The following GCNA variants were observed in gnomAD, a reference collection of about 807,000 sequenced individuals.
GCNA encodes germ cell nuclear acidic peptidase.
Under a neutral mutation model 38.8 loss-of-function variants are expected in GCNA, and 3 were observed. The observed-to-expected ratio is 0.08, with a 90% CI of 0.04 to 0.20. The LOEUF (loss-of-function observed/expected upper bound fraction) is 0.20, where lower values mean the gene tolerates loss of function less well. Among genes scored for constraint, GCNA ranks in the 10% least tolerant of loss-of-function variants. The pLI is 1.00. For synonymous variants in GCNA, 195 were observed against 240.2 expected (o/e 0.81, Z 1.74); for missense variants, 446 against 578.6 (o/e 0.77, Z 2.35).
rs1330253048 is a variant in GCNA, at chrX:71,580,893, A to C, written c.59+13A>C. ...AGGACGAGGATTGGTGAGATTTAGA[A>C]AGTTCTGTTTTCTTTTAGTTTAGTG... On this transcript the variant is annotated intron_variant, in intron 2 of 12. Transcript: ENST00000373696. 34 of 1,187,797 alleles carry C rather than the reference A, an allele frequency of 2.9e-5. No individual in the cohort carries two copies. The highest frequency in any genetic ancestry group is 3.6e-5 in the Non-Finnish European group (32 of 882,226).
chrX:71,584,472 C>T (rs971476919), intron 2 of GCNA, among the ~76,000 whole-genome samples: 5 of 111,449 alleles, frequency 4.5e-5, no homozygotes, highest in Admixed American at 9.4e-5. Context: ...AGGCTAGTCT[C>T]GAACTCCTGG....
intron 2 of GCNA, among the ~76,000 whole-genome samples, chrX:71,584,745 G>A (rs1368774631): frequency 9.1e-6 from 1 of 110,287 alleles, no homozygotes; most frequent in East Asian, 2.9e-4. Context: ...GCAGGCACCT[G>A]TAGTCCCAGC....
chrX:71,609,153 C>T, intron 10 of GCNA, 36 bp downstream of exon 10: 1 of 1,147,030 alleles, frequency 8.7e-7, no homozygotes, highest in Non-Finnish European at 1.2e-6. Flanking sequence ...TGAGCACCTG[C>T]TATACACCAG....
At chrX:71,587,830 G>A (rs1273950477) in intron 2 of GCNA, among the ~76,000 whole-genome samples, 2 of 110,133 alleles carry the variant, frequency 1.8e-5, no homozygotes, top group East Asian at 5.6e-4. Context: ...CCAGGCTGGA[G>A]TGCAGTGGCA....
At chrX:71,605,775 C>T (rs2040764864) in intron 9 of GCNA, 46 bp downstream of exon 9, 6 of 1,108,529 alleles carry the variant, frequency 5.4e-6, no homozygotes, top group South Asian at 2.0e-5. Flanking sequence ...ATTGCACAGC[C>T]GTCACACTGG....
intron 2 of GCNA, among the ~76,000 whole-genome samples, chrX:71,581,998 C>T (rs2040549577): frequency 9.1e-6 from 1 of 109,439 alleles, no homozygotes; most frequent in African/African-American, 3.3e-5. Flanking sequence ...TACAAACGGA[C>T]CTCAGACATT....
At chrX:71,589,029 T>C (rs1044144225) in intron 2 of GCNA, among the ~76,000 whole-genome samples, 2 of 109,706 alleles carry the variant, frequency 1.8e-5, no homozygotes, top group Non-Finnish European at 3.8e-5. Context: ...TTTAAAAATA[T>C]TTTTTGTAAA....
chrX:71,610,581 C>A, intron 10 of GCNA, 100 bp from the exon 11 acceptor site: 1 of 1,055,980 alleles, frequency 9.5e-7, no homozygotes, highest in African/African-American at 1.9e-5. Flanking sequence ...CCATTGCACT[C>A]CAGCCTGGGC....
At chrX:71,612,135 A>G (rs2040815559) in intron 11 of GCNA, among the ~76,000 whole-genome samples, 1 of 107,975 alleles carries the variant, frequency 9.3e-6, no homozygotes, top group South Asian at 4.1e-4. Context: ...AAAATCAGCC[A>G]GGAATGGTGG....
At position 71,592,556 on chromosome X, in the gene GCNA, G is replaced by A. The variant is rs750709466; in HGVS notation, c.126G>A (p.Pro42=). 74 of 1,113,339 alleles carry A rather than the reference G, an allele frequency of 6.6e-5. No homozygotes were observed. Among genetic ancestry groups the A allele is most frequent in the Middle Eastern group, 2.5e-4 (1 of 3,940 alleles). The allele number at this position is 1,113,339 out of a possible 1,213,427, so 91.8% of individuals were successfully genotyped here. A position where few individuals can be genotyped will look rare whatever the true frequency, so the allele number is the denominator to read the frequency against. The change falls in exon 4 of 13, where the codon CCG becomes CCA. Residue 42 remains proline (P), a synonymous_variant. Coordinates refer to ENST00000373696, the MANE Select transcript of GCNA (RefSeq NM_052957.5). ...TSGSSVARRA[P]KRQASCILNV... ...ATTTAGCTGTGGCCAGAAGAGCTCC[G>A]AAGAGACAGGCGAGGTGAGTAGGAG...
At chrX:71,592,449 A>T in intron 3 of GCNA, 88 bp from the exon 4 acceptor site, 1 of 509,355 alleles carries the variant, frequency 2.0e-6, no homozygotes, top group African/African-American at 3.2e-5. Context: ...TCTAATTTAT[A>T]GACTTTGGTT....
Position 71,604,193 on chromosome X carries a change from G to C in GCNA, c.916G>C (p.Asp306His), listed in dbSNP as rs1359862261. Residue 306 changes from aspartate (D) to histidine (H), a missense_variant, in exon 8 of 13, where the codon GAC becomes CAC. Around this residue, in one of 7 missense-constraint regions of GCNA, gnomAD observed 160 missense variants for 165.2 expected, o/e 0.97. Coordinates refer to ENST00000373696, the MANE Select transcript of GCNA (RefSeq NM_052957.5). ...DDSSDDSEAP[D>H]DKSDDSDVPE... ...CAGCAGTGATGATTCGGAAGCTCCC[G>C]ACGACAAGAGTGATGATTCGGATGT... 1.6e-6 allele frequency: 2 copies of C among 1,212,454 alleles called. No homozygotes were observed. Among genetic ancestry groups the C allele is most frequent in the Admixed American group, 4.3e-5 (2 of 46,137 alleles).
Position 71,603,983 on chromosome X carries a change from G to A in GCNA, c.706G>A (p.Asp236Asn), listed in dbSNP as rs202199167. 4.8e-5 allele frequency: 58 copies of A among 1,207,639 alleles called. No individual in the cohort carries two copies. The highest frequency in any genetic ancestry group is 1.5e-4 in the Admixed American group (7 of 45,631). Residue 236 changes from aspartate to asparagine, a missense_variant, in exon 8 of 13, where the codon GAC (aspartate) becomes AAC (asparagine). By Grantham distance (23) the Asp-to-Asn change is conservative. Transcript: ENST00000373696. ...DDSSDDSDVP[D>N]DSSDDSEAPD... ...CAGCAGTGATGATTCGGATGTTCCC[G>A]ACGACAGCAGTGATGATTCGGAAGC...
At chrX:71,597,528 A>C (rs888468662) in intron 6 of GCNA, among the ~76,000 whole-genome samples, 4 of 110,912 alleles carry the variant, frequency 3.6e-5, no homozygotes, top group African/African-American at 9.8e-5. Context: ...AGTAGCACTG[A>C]AGAGAAACTC....
At chrX:71,582,632 A>T (rs1009795267) in intron 2 of GCNA, among the ~76,000 whole-genome samples, 12 of 111,430 alleles carry the variant, frequency 1.1e-4, no homozygotes, top group African/African-American at 3.9e-4. Flanking sequence ...TTTCTTTTAA[A>T]CTCATTTAAT....
At chrX:71,598,762 A>G (rs2040691047) in intron 7 of GCNA, among the ~76,000 whole-genome samples, 1 of 110,998 alleles carries the variant, frequency 9.0e-6, no homozygotes, top group Admixed American at 9.6e-5. Flanking sequence ...CTGTCAGTAC[A>G]GGTATAGGGC....
chrX:71,593,962 C>T (rs2040650036), intron 4 of GCNA, among the ~76,000 whole-genome samples: 1 of 111,897 alleles, frequency 8.9e-6, no homozygotes, highest in South Asian at 3.7e-4. Context: ...GCAATCCTCC[C>T]TGCTCAGCCT....
intron 4 of GCNA, among the ~76,000 whole-genome samples, chrX:71,594,048 C>A (rs2040650987): frequency 8.9e-6 from 1 of 111,745 alleles, no homozygotes; most frequent in South Asian, 3.7e-4. Context: ...AAATAAATTA[C>A]TTGGCAGAAA....
rs2040802747 is a variant in GCNA, at chrX:71,610,628, CA to C, written c.1612-46del. On this transcript the variant is annotated intron_variant, in intron 10 of 12. Coordinates refer to ENST00000373696, the MANE Select transcript of GCNA (RefSeq NM_052957.5). The stretch of plus-strand genomic sequence containing the variant: ...AAACTCCGTCTCAAAAACAAAAAAA[CA>C]AAAAAACCCAAAACAGCTTTCTGAT... The C allele has an allele frequency of 6.8e-6, 8 of 1,179,689 alleles. No homozygotes were observed. In the East Asian group the frequency reaches 2.4e-4, roughly 36 times the overall value.
Sources: gnomAD v4.1 joint callset for allele counts (sites outside exome capture counted in the v4.1 genomes callset) on GRCh38, gnomAD v4.1.1 for gene constraint, gnomAD v4.1.1 regional missense constraint, MANE v1.5 for transcripts, NCBI Gene and HGNC (gene_info 2026-07-23, HGNC 2026-07-21) for gene names.